The following EYS variants were observed in gnomAD, a reference collection of about 807,000 sequenced individuals.
EYS encodes the protein protein eyes shut homolog.
EYS carries 250 observed loss-of-function variants against 282.1 expected under a neutral mutation model. That is an observed-to-expected ratio of 0.89 (90% CI 0.80 to 0.98). EYS has a LOEUF of 0.98. EYS is among the 50% of genes least tolerant of loss of function. EYS has a pLI of 0.00. For synonymous variants in EYS, 1,355 were observed against 1,282.9 expected (o/e 1.06, Z -1.20); for missense variants, 4,016 against 3,709.0 (o/e 1.08, Z -2.15).
At chr6:65,059,654 A>C (rs1773514126) in intron 12 of EYS, among the ~76,000 whole-genome samples, 1 of 152,074 alleles carries the variant, frequency 6.6e-6, no homozygotes, top group Non-Finnish European at 1.5e-5. Context: ...TGGGTTCTGA[A>C]GTAAATTCTC....
chr6:64,156,017 T>C (rs1774905297), intron 31 of EYS, among the ~76,000 whole-genome samples: 1 of 148,570 alleles, frequency 6.7e-6, no homozygotes, highest in East Asian at 1.9e-4. Flanking sequence ...TATGTGTGTA[T>C]GTTTATGTGT....
At chr6:64,465,710 C>A (rs1775895222) in intron 26 of EYS, among the ~76,000 whole-genome samples, 1 of 147,560 alleles carries the variant, frequency 6.8e-6, no homozygotes. Flanking sequence ...TGGATGTGAA[C>A]CAAAAGCATA....
intron 40 of EYS, among the ~76,000 whole-genome samples, chr6:63,774,266 T>TCAAG (rs1333975853): frequency 6.6e-6 from 1 of 152,064 alleles, no homozygotes; most frequent in Non-Finnish European, 1.5e-5. Context: ...CCTCCCAGGT[T>TCAAG]CAAGCGATTC....
At chr6:64,493,625 G>A (rs886344875) in intron 26 of EYS, among the ~76,000 whole-genome samples, 3 of 151,408 alleles carry the variant, frequency 2.0e-5, no homozygotes, top group Admixed American at 6.6e-5. Flanking sequence ...TGATTTACAA[G>A]GCCAAGTTCT....
chr6:65,440,139 G>T (rs948245631), intron 5 of EYS, among the ~76,000 whole-genome samples: 2 of 152,014 alleles, frequency 1.3e-5, no homozygotes, highest in African/African-American at 4.8e-5. Flanking sequence ...GATAAATACA[G>T]ATGAGCTTAA....
intron 33 of EYS, among the ~76,000 whole-genome samples, chr6:64,003,946 C>A (rs1768216146): frequency 6.6e-6 from 1 of 152,286 alleles, no homozygotes; most frequent in East Asian, 1.9e-4. Context: ...TTCCTGAGGC[C>A]TCCCCAGCCA....
chr6:64,584,136 C>T (rs1021455341), intron 26 of EYS, among the ~76,000 whole-genome samples: 5 of 151,792 alleles, frequency 3.3e-5, no homozygotes, highest in African/African-American at 1.2e-4. Context: ...CAATAAAACA[C>T]ATATTTGCAA....
At chr6:64,156,295 T>TGCC (rs953755841) in intron 31 of EYS, among the ~76,000 whole-genome samples, 3 of 152,244 alleles carry the variant, frequency 2.0e-5, no homozygotes, top group African/African-American at 4.8e-5. Flanking sequence ...CATTTTATCT[T>TGCC]GCCACCACCA....
intron 22 of EYS, among the ~76,000 whole-genome samples, chr6:64,799,974 C>A (rs914059764): frequency 7.2e-5 from 11 of 151,996 alleles, no homozygotes; most frequent in African/African-American, 2.4e-4. Flanking sequence ...ATACATTGAT[C>A]TTTCAAGTTA....
chr6:65,234,194 G>A (rs1262463252), intron 12 of EYS, among the ~76,000 whole-genome samples: 1 of 152,146 alleles, frequency 6.6e-6, no homozygotes, highest in Non-Finnish European at 1.5e-5. Context: ...TTGTCATACG[G>A]CCAGCCTCTC....
chr6:65,430,844 C>G (rs755948746), intron 5 of EYS, among the ~76,000 whole-genome samples: 1 of 152,176 alleles, frequency 6.6e-6, no homozygotes, highest in Non-Finnish European at 1.5e-5. Flanking sequence ...TACCTGCTAA[C>G]TGAAGAGCCC....
intron 37 of EYS, among the ~76,000 whole-genome samples, chr6:63,804,204 C>T (rs373539145): frequency 3.2e-4 from 48 of 152,110 alleles, no homozygotes; most frequent in African/African-American, 8.4e-4. Flanking sequence ...TTAGTAGAGA[C>T]GGGGTTTCTC....
intron 34 of EYS, among the ~76,000 whole-genome samples, chr6:63,987,931 A>G (rs1162024909): frequency 6.6e-6 from 1 of 151,640 alleles, no homozygotes; most frequent in African/African-American, 2.4e-5. Context: ...ATGACCCGTA[A>G]CAGGTCAAAC....
intron 15 of EYS, among the ~76,000 whole-genome samples, chr6:64,917,972 A>G (rs1324591707): frequency 1.3e-5 from 2 of 152,152 alleles, no homozygotes; most frequent in African/African-American, 4.8e-5. Context: ...AATTGGGGAC[A>G]TAGGAAAGGG....
intron 1 of EYS, among the ~76,000 whole-genome samples, chr6:65,695,274 G>C (rs1356742365): frequency 6.6e-6 from 1 of 151,882 alleles, no homozygotes; most frequent in African/African-American, 2.4e-5. Flanking sequence ...AATTAGAAGA[G>C]ACATGGTATT....
intron 33 of EYS, among the ~76,000 whole-genome samples, chr6:64,047,686 G>A (rs1011478117): frequency 2.6e-5 from 4 of 152,258 alleles, no homozygotes; most frequent in Admixed American, 2.0e-4. Context: ...TTTCATCTCA[G>A]TTGGTCCTTG....
At chr6:64,033,572 A>G (rs1167789207) in intron 33 of EYS, among the ~76,000 whole-genome samples, 2 of 152,140 alleles carry the variant, frequency 1.3e-5, no homozygotes, top group African/African-American at 4.8e-5. Context: ...AAATATTTTT[A>G]AATAAATTAT....
intron 15 of EYS, among the ~76,000 whole-genome samples, chr6:64,943,331 G>A (rs1040407170): frequency 2.0e-5 from 3 of 151,948 alleles, no homozygotes; most frequent in Admixed American, 6.6e-5. Context: ...ACACAGTACC[G>A]GAAGTCCGAG....
chr6:64,022,078 C>T (rs907782401), intron 33 of EYS, among the ~76,000 whole-genome samples: 8 of 152,066 alleles, frequency 5.3e-5, no homozygotes, highest in Non-Finnish European at 7.4e-5. Flanking sequence ...CAATGAATAT[C>T]TTTATCTGTG....
Sources: gnomAD v4.1 joint callset for allele counts (sites outside exome capture counted in the v4.1 genomes callset) on GRCh38, gnomAD v4.1.1 for gene constraint, MANE v1.5 for transcripts, NCBI Gene and HGNC (gene_info 2026-07-23, HGNC 2026-07-21) for gene names.